The following OSBPL9 variants were observed in gnomAD, a reference collection of about 807,000 sequenced individuals.
The protein encoded by OSBPL9 is oxysterol binding protein like 9.
A neutral mutation model predicts 106.6 loss-of-function variants in OSBPL9; 40 were observed. The observed-to-expected ratio is 0.38, with a 90% CI of 0.29 to 0.49. The LOEUF (loss-of-function observed/expected upper bound fraction) is 0.49. Ranked by LOEUF, OSBPL9 falls within the 20% of genes least tolerant of loss-of-function variation. OSBPL9 has a pLI of 0.97. For synonymous variants in OSBPL9, 269 were observed against 295.4 expected, an observed-to-expected ratio of 0.91 and a Z score of 0.92; for missense variants, 609 against 887.2, an observed-to-expected ratio of 0.69 and a Z score of 3.98.
At chr1:51,784,082 G>C in intron 18 of OSBPL9, 57 bp downstream of exon 18, 1 of 1,495,830 alleles carries the variant, frequency 6.7e-7, no homozygotes, top group East Asian at 2.3e-5. Context: ...TATGAAAATG[G>C]CTAGACTAGA....
rs753937451 is a variant in OSBPL9 at position 51,785,792 on chromosome 1, T to G, written c.1830-16T>G. ...TTCAACTTGAGACTAACACAAGTAT[T>G]TCCTTTTCTGTTCAGTTCTCCAAAT... is the stretch of plus-strand genomic sequence containing the variant. On this transcript the variant is annotated splice_polypyrimidine_tract_variant and intron_variant, in intron 20 of 23. Coordinates refer to ENST00000428468, the MANE Select transcript of OSBPL9 (RefSeq NM_024586.6). The G allele has an allele frequency of 1.2e-6, 2 of 1,610,108 alleles. No homozygotes were observed. Among genetic ancestry groups the G allele is most frequent in the Non-Finnish European group, 1.7e-6 (2 of 1,176,808 alleles).
At chr1:51,718,257 C>CA (rs1354067353) in intron 4 of OSBPL9, among the ~76,000 whole-genome samples, 1 of 151,502 alleles carries the variant, frequency 6.6e-6, no homozygotes, top group Admixed American at 6.6e-5. Context: ...TTAATGGGTA[C>CA]AAAAAAATGA....
At chr1:51,600,235 A>G (rs1196910043) in intron 2 of OSBPL9, among the ~76,000 whole-genome samples, 1 of 152,200 alleles carries the variant, frequency 6.6e-6, no homozygotes, top group African/African-American at 2.4e-5. Flanking sequence ...AGCTACCCCT[A>G]TGAACCTAGC....
chr1:51,589,474 T>A (rs1163635757), intron 1 of OSBPL9, among the ~76,000 whole-genome samples: 1 of 152,144 alleles, frequency 6.6e-6, no homozygotes, highest in Non-Finnish European at 1.5e-5. Context: ...GTTCATTTTT[T>A]AAAATTAAGT....
chr1:51,756,901 T>C (rs907340512), intron 9 of OSBPL9: 1 of 152,274 alleles, frequency 6.6e-6, no homozygotes, highest in Admixed American at 6.5e-5. Context: ...CTCTCTTATC[T>C]TTTTACCTTT....
intron 2 of OSBPL9, among the ~76,000 whole-genome samples, chr1:51,656,600 C>T (rs569132184): frequency 5.3e-5 from 8 of 152,042 alleles, no homozygotes; most frequent in African/African-American, 1.9e-4. Flanking sequence ...AGGTTTAATT[C>T]TCCCCTATCC....
At chr1:51,528,988 T>A in the OSBPL9 span, among the ~76,000 whole-genome samples, 109 of 152,248 alleles carry the variant, frequency 7.2e-4, no homozygotes, top group African/African-American at 2.4e-3. Context: ...AAAATATCAT[T>A]GAAAGAAAGT....
chr1:51,543,321 A>C, the OSBPL9 span, among the ~76,000 whole-genome samples: 1 of 152,212 alleles, frequency 6.6e-6, no homozygotes, highest in African/African-American at 2.4e-5. Context: ...TAATCTTCTT[A>C]ATCCTACCAC....
intron 1 of OSBPL9, among the ~76,000 whole-genome samples, chr1:51,629,636 T>C (rs538481671): frequency 2.0e-5 from 3 of 152,228 alleles, no homozygotes; most frequent in South Asian, 4.1e-4. Context: ...GGCAGATTCA[T>C]AGGAGAAAAG....
intron 4 of OSBPL9, among the ~76,000 whole-genome samples, chr1:51,714,663 TTGG>T (rs1442383263): frequency 2.0e-5 from 3 of 152,210 alleles, no homozygotes; most frequent in Non-Finnish European, 4.4e-5. Context: ...AGGTTCTCCC[TTGG>T]TGGTGGTAAG....
At chr1:51,721,328 G>C (rs1662089908) in intron 4 of OSBPL9, among the ~76,000 whole-genome samples, 1 of 152,084 alleles carries the variant, frequency 6.6e-6, no homozygotes, top group South Asian at 2.1e-4. Flanking sequence ...ATATGAAAAG[G>C]AGATGTGGTT....
chr1:51,740,514 G>C (rs185314702), intron 4 of OSBPL9, among the ~76,000 whole-genome samples: 38 of 152,008 alleles, frequency 2.5e-4, no homozygotes, highest in African/African-American at 8.4e-4. Context: ...TTCTACTACT[G>C]ATAACTTACC....
At chr1:51,755,925 CTCTTCATGTAAGTTGAA>C (rs1379917969) in intron 8 of OSBPL9, among the ~76,000 whole-genome samples, 4 of 152,188 alleles carry the variant, frequency 2.6e-5, no homozygotes, top group Non-Finnish European at 5.9e-5. Flanking sequence ...CTATTCTTGA[CTCTTCATGTAAGTTGAA>C]TCTTACAATA....
chr1:51,669,355 G>A, intron 2 of OSBPL9, 79 bp from the exon 3 acceptor site: 1 of 1,187,498 alleles, frequency 8.4e-7, no homozygotes, highest in Non-Finnish European at 1.2e-6. Context: ...GGTGCATTGA[G>A]TATTCCAGGG....
chr1:51,727,741 C>T (rs189169100), intron 4 of OSBPL9, among the ~76,000 whole-genome samples: 7 of 152,182 alleles, frequency 4.6e-5, no homozygotes, highest in East Asian at 3.9e-4. Context: ...GTGGTGTGTG[C>T]GCCTGTAGTC....
chr1:51,736,625 C>G (rs1235705506), intron 4 of OSBPL9, among the ~76,000 whole-genome samples: 1 of 152,116 alleles, frequency 6.6e-6, no homozygotes, highest in Non-Finnish European at 1.5e-5. Context: ...TACTAAAGTA[C>G]TCAGTTTAAG....
chr1:51,615,725 C>T (rs368075234), upstream of OSBPL9, among the ~76,000 whole-genome samples: 1 of 152,154 alleles, frequency 6.6e-6, no homozygotes, highest in Non-Finnish European at 1.5e-5. Context: ...GATATTTGCA[C>T]GGCTGGCCTT....
At chr1:51,740,450 G>A (rs1291594779) in intron 4 of OSBPL9, among the ~76,000 whole-genome samples, 1 of 151,756 alleles carries the variant, frequency 6.6e-6, no homozygotes, top group East Asian at 1.9e-4. Context: ...TCATTAGGAG[G>A]CTTGTTGTGT....
chr1:51,784,435 T>C lies in OSBPL9; in HGVS notation c.1689-7T>C, dbSNP rs766059714. On this transcript the variant is annotated splice_region_variant and splice_polypyrimidine_tract_variant and intron_variant, in intron 19 of 23. Transcript: ENST00000428468. ...TCAACCTTACCTAAAAACTTTTGAT[T>C]TTGCAGGTCTATCCTCACAGTGCCC... 17 of 1,614,068 alleles carry C rather than the reference T, an allele frequency of 1.1e-5. No homozygotes were observed. In the South Asian group the frequency reaches 1.9e-4, roughly 18 times the overall value.
Sources: gnomAD v4.1 joint callset for allele counts (sites outside exome capture counted in the v4.1 genomes callset) on GRCh38, gnomAD v4.1.1 for gene constraint, MANE v1.5 for transcripts, NCBI Gene and HGNC (gene_info 2026-07-23, HGNC 2026-07-21) for gene names.